SUPT20H: variants seen among roughly 807,000 people sequenced by gnomAD.
SUPT20H encodes the protein SPT20 homolog, SAGA complex component.
A neutral mutation model predicts 122.8 loss-of-function variants in SUPT20H; 82 were observed. The ratio of observed to expected loss-of-function variants is 0.67; its 90% CI spans 0.56 to 0.80. The LOEUF (loss-of-function observed/expected upper bound fraction) is 0.80. Ranked by LOEUF, SUPT20H falls within the 30% of genes least tolerant of loss-of-function variation. The pLI, the probability that SUPT20H is intolerant of heterozygous loss-of-function variation, is 0.00. For missense variants in SUPT20H, 831 were observed against 921.6 expected, an observed-to-expected ratio of 0.90 and a Z score of 1.27; for synonymous variants, 291 against 313.0, an observed-to-expected ratio of 0.93 and a Z score of 0.74.
intron 22 of SUPT20H, among the ~76,000 whole-genome samples, chr13:37,017,765 C>A (rs1053658452): frequency 6.6e-6 from 1 of 152,094 alleles, no homozygotes; most frequent in African/African-American, 2.4e-5. Context: ...TAAATTTGTT[C>A]TAGTTTTGCC....
rs765036082 is a variant in SUPT20H, at chr13:37,026,281, G to C, written c.1179-45C>G. On this transcript the variant is annotated intron_variant, in intron 15 of 25. Coordinates refer to ENST00000350612, the MANE Select transcript of SUPT20H (RefSeq NM_001014286.3). The stretch of plus-strand genomic sequence containing the variant: ...AAAAGGAGAGAAAAGTATTAGGTAA[G>C]AGTTGTCTTAAGAAGGCTTGGGATT... The C allele has an allele frequency of 5.9e-6, 8 of 1,350,626 alleles. No homozygotes were observed. The African/African-American group carries it at 1.2e-4, about 21-fold the overall frequency. The allele number at this position is 1,350,626 out of a possible 1,614,324, so 83.7% of individuals were successfully genotyped here.
chr13:37,012,821 T>C (rs181876371), intron 23 of SUPT20H: 1 of 151,946 alleles, frequency 6.6e-6, no homozygotes, highest in East Asian at 1.9e-4. Context: ...ATCAACACTA[T>C]ATATACTAGT....
intron 1 of SUPT20H, among the ~76,000 whole-genome samples, chr13:37,058,162 A>C (rs2069647690): frequency 6.6e-6 from 1 of 151,970 alleles, no homozygotes; most frequent in Non-Finnish European, 1.5e-5. Flanking sequence ...GCTACTCCGG[A>C]GGCTGAGGCA....
At chr13:37,040,536 C>G in intron 8 of SUPT20H, 40 bp downstream of exon 8, 1 of 1,597,104 alleles carries the variant, frequency 6.3e-7, no homozygotes, top group Non-Finnish European at 8.5e-7. Context: ...AAACTCCCAA[C>G]TAAAATCTAA....
Position 37,045,502 on chromosome 13 carries a change from T to C in SUPT20H, c.166-129A>G, listed in dbSNP as rs1167780572. Reference sequence around the variant, plus strand: ...TTTCTGCATTATGATTCTGAATAAATGGAGAAGGCTCACAAAACTATAGCC... The same window carrying C: ...TTTCTGCATTATGATTCTGAATAAACGGAGAAGGCTCACAAAACTATAGCC... On this transcript the variant is annotated intron_variant, in intron 5 of 25. Coordinates refer to ENST00000350612, the MANE Select transcript of SUPT20H (RefSeq NM_001014286.3). 21 of 1,194,690 alleles carry C rather than the reference T, an allele frequency of 1.8e-5. 1 individual carries two copies. Among genetic ancestry groups the C allele is most frequent in the Non-Finnish European group, 2.3e-5 (20 of 871,636 alleles). The allele number at this position is 1,194,690 out of a possible 1,614,324, so 74.0% of individuals were successfully genotyped here.
At chr13:37,051,980 A>C (rs983363676) in intron 1 of SUPT20H, among the ~76,000 whole-genome samples, 1 of 152,186 alleles carries the variant, frequency 6.6e-6, no homozygotes, top group African/African-American at 2.4e-5. Flanking sequence ...TCACTTTACA[A>C]ATCACAGATA....
chr13:37,057,635 T>C (rs1458921097), intron 1 of SUPT20H, among the ~76,000 whole-genome samples: 2 of 150,376 alleles, frequency 1.3e-5, no homozygotes, highest in South Asian at 2.1e-4. Context: ...CCAGGAGCAG[T>C]AGTTCCAGAC....
intron 21 of SUPT20H, among the ~76,000 whole-genome samples, chr13:37,021,068 A>T (rs2061399072): frequency 6.6e-6 from 1 of 152,230 alleles, no homozygotes; most frequent in South Asian, 2.1e-4. Context: ...AAGCTGAGGT[A>T]GTCTGGCTCC....
At position 37,050,347 on chromosome 13, in the gene SUPT20H, CAAAAAAA is replaced by C. The variant is rs61668901; in HGVS notation, c.3+1134_3+1140del. ...CAATATAGTGAGATTCTGTCACTACCAAAAAAAAAAAAAAAAAAAAAAACTTATAAGA... is the reference window on the plus strand; with the variant it reads ...CAATATAGTGAGATTCTGTCACTACCAAAAAAAAAAAAAAAACTTATAAGA... On this transcript the variant is annotated intron_variant, in intron 2 of 25. Transcript: ENST00000350612. 3.9e-5 allele frequency among the ~76,000 whole-genome samples: 3 copies of C among 76,998 alleles called. No individual in the cohort carries two copies. The Admixed American group carries it at 4.7e-4, about 12-fold the overall frequency. 50.5% of individuals were successfully genotyped at this position (76,998 alleles called of 152,430 possible). A position where few individuals can be genotyped will look rare whatever the true frequency, so the allele number is the denominator to read the frequency against.
At chr13:37,053,508 C>G (rs889999949) in intron 1 of SUPT20H, among the ~76,000 whole-genome samples, 2 of 150,670 alleles carry the variant, frequency 1.3e-5, no homozygotes, top group Non-Finnish European at 2.9e-5. Context: ...GAACATCACA[C>G]GCTGGGGCCT....
At chr13:37,032,824 C>T (rs372899730) in intron 10 of SUPT20H, among the ~76,000 whole-genome samples, 10 of 151,816 alleles carry the variant, frequency 6.6e-5, no homozygotes, top group South Asian at 4.2e-4. Context: ...TAAAAGATGC[C>T]GAGGGAGGAA....
intron 1 of SUPT20H, chr13:37,056,791 C>T (rs1199659077): frequency 1.3e-5 from 2 of 151,678 alleles, no homozygotes; most frequent in African/African-American, 4.8e-5. Flanking sequence ...AAAAGAAAAT[C>T]TTCTTTTCTA....
intron 1 of SUPT20H, among the ~76,000 whole-genome samples, chr13:37,055,945 T>C (rs1199968): frequency 0.93 from 141,058 of 152,290 alleles, 65,427 homozygotes; most frequent in East Asian, 1. Flanking sequence ...ACCCCATCAA[T>C]CAGTGGGCGA....
In SUPT20H at chr13:37,022,420, T is replaced by TG; in HGVS notation, c.1592-341_1592-340insC. On this transcript the variant is annotated intron_variant, in intron 19 of 25. Coordinates refer to ENST00000350612, the MANE Select transcript of SUPT20H (RefSeq NM_001014286.3). This position sits in a 1 kb window ranked among gnomAD's most constrained non-coding sequence, Gnocchi z 4.5. The stretch of plus-strand genomic sequence containing the variant: ...ACTTAGCACTGACAATTTGTTCTAG[T>TG]TTTTTTTTTTTTAGCAGTTAACTGC... 1.9e-6 allele frequency: 1 copy of TG among 526,808 alleles called. No individual in the cohort carries two copies. The highest frequency in any genetic ancestry group is 2.7e-6 in the Non-Finnish European group (1 of 377,278). The allele number at this position is 526,808 out of a possible 1,614,324, so 32.6% of individuals were successfully genotyped here.
Position 37,034,003 on chromosome 13 carries a change from T to C in SUPT20H, c.568-415A>G, listed in dbSNP as rs377353119. ...ATGGTGATCTGTGATATTCAATGTG[T>C]ACTAAATCAAGAAATGATGTATGTT... On this transcript the variant is annotated intron_variant, in intron 9 of 25. Transcript: ENST00000350612. Among the ~76,000 whole-genome samples the C allele has an allele frequency of 4.1e-4, 63 of 152,320 alleles. 1 individual carries two copies. The South Asian group carries it at 0.012, about 30-fold the overall frequency.
At position 37,029,543 on chromosome 13, in the gene SUPT20H, TAAAAATA is replaced by T. The variant is rs369745919; in HGVS notation, c.993+215_993+221del. 2.4e-3 allele frequency among the ~76,000 whole-genome samples: 363 copies of T among 151,404 alleles called. 1 individual carries two copies. The highest frequency in any genetic ancestry group is 8.3e-3 in the African/African-American group (343 of 41,258). ...TCCATCTCAAAAAATTAAAATAAAATAAAAATAAAAAATAAAAATAAAAAATTGCTGT... is the reference window on the plus strand; with the variant it reads ...TCCATCTCAAAAAATTAAAATAAAATAAAAATAAAAATAAAAAATTGCTGT... On this transcript the variant is annotated intron_variant, in intron 13 of 25. Coordinates refer to ENST00000350612, the MANE Select transcript of SUPT20H (RefSeq NM_001014286.3).
At chr13:37,040,493 C>G in intron 8 of SUPT20H, 35 bp from the exon 9 acceptor site, 6 of 1,572,204 alleles carry the variant, frequency 3.8e-6, no homozygotes, top group Non-Finnish European at 5.2e-6. Flanking sequence ...ACTTATTAAT[C>G]TATGCACAAA....
rs146789128 is a variant in SUPT20H, at chr13:37,018,124, TA to T, written c.1873-761del. 5.9e-3 allele frequency among the ~76,000 whole-genome samples: 868 copies of T among 148,018 alleles called. 6 individuals carry two copies. The highest frequency in any genetic ancestry group is 0.012 in the African/African-American group (496 of 40,266). On this transcript the variant is annotated intron_variant, in intron 22 of 25. Coordinates refer to ENST00000350612, the MANE Select transcript of SUPT20H (RefSeq NM_001014286.3). ...GTCTGTATAGTCAAAAAAATAATAA[TA>T]AAAAAAAAATAAAAAATCCTTGGGT...
intron 1 of SUPT20H, 31 bp from the exon 2 acceptor site, chr13:37,051,614 TTAACA>T: frequency 2.9e-6 from 2 of 697,700 alleles, no homozygotes; most frequent in Non-Finnish European, 4.8e-6. Flanking sequence ...AACCCCAATA[TTAACA>T]TAAGGCTATT....
Sources: gnomAD v4.1 joint callset for allele counts (sites outside exome capture counted in the v4.1 genomes callset) on GRCh38, gnomAD v4.1.1 for gene constraint, Gnocchi (gnomAD v3.1) non-coding constraint, MANE v1.5 for transcripts, NCBI Gene and HGNC (gene_info 2026-07-23, HGNC 2026-07-21) for gene names.